ANK2: variants seen among roughly 807,000 people sequenced by gnomAD.
ANK2 encodes ankyrin-2.
ANK2 carries 83 observed loss-of-function variants against 360.5 expected under a neutral mutation model. That is an observed-to-expected ratio of 0.23 (90% confidence interval 0.19 to 0.28). The LOEUF is 0.28. ANK2 is among the 10% of genes least tolerant of loss of function. The pLI, the probability that ANK2 is intolerant of heterozygous loss-of-function variation, is 1.00. For synonymous variants in ANK2, 1,740 were observed against 1,759.5 expected (o/e 0.99, Z 0.28); for missense variants, 4,201 against 4,795.7 (o/e 0.88, Z 3.66).
upstream of ANK2, among the ~76,000 whole-genome samples, chr4:112,813,968 C>A (rs2055471805): frequency 6.6e-6 from 1 of 152,184 alleles, no homozygotes; most frequent in Admixed American, 6.5e-5. Flanking sequence ...TTTGCTCTGC[C>A]ATTCCCCGTT....
intron 4 of ANK2, among the ~76,000 whole-genome samples, chr4:113,199,823 A>G (rs2098804290): frequency 6.6e-6 from 1 of 152,176 alleles, no homozygotes; most frequent in South Asian, 2.1e-4. Flanking sequence ...AACACAGACT[A>G]TATCATGGAG....
chr4:112,853,347 G>A (rs1243996032), intron 1 of ANK2, among the ~76,000 whole-genome samples: 4 of 152,092 alleles, frequency 2.6e-5, no homozygotes, highest in Middle Eastern at 3.4e-3. Context: ...GATTGCAGGC[G>A]TGAGCCACCA....
intron 2 of ANK2, among the ~76,000 whole-genome samples, chr4:113,184,854 C>T (rs1284351972): frequency 6.6e-6 from 1 of 152,032 alleles, no homozygotes; most frequent in Non-Finnish European, 1.5e-5. Flanking sequence ...GCTGTCCCTC[C>T]CCTAGCCTCC....
intron 14 of ANK2, among the ~76,000 whole-genome samples, chr4:113,270,778 A>G (rs1463157881): frequency 6.6e-6 from 1 of 152,202 alleles, no homozygotes; most frequent in African/African-American, 2.4e-5. Context: ...ACAAACTCTC[A>G]GGTGATGTCA....
intron 34 of ANK2, among the ~76,000 whole-genome samples, chr4:113,343,366 A>G (rs941142580): frequency 6.6e-6 from 1 of 152,212 alleles, no homozygotes; most frequent in African/African-American, 2.4e-5. Flanking sequence ...AACAGGACAA[A>G]TAATAGCCAA....
At chr4:112,721,133 C>T in the ANK2 span, among the ~76,000 whole-genome samples, 3 of 152,074 alleles carry the variant, frequency 2.0e-5, no homozygotes, top group African/African-American at 7.2e-5. Context: ...AGGAAGGATG[C>T]TGAAGAAGGG....
At chr4:113,125,218 CAA>C (rs35108052) in intron 1 of ANK2, among the ~76,000 whole-genome samples, 22,769 of 151,770 alleles carry the variant, frequency 0.15, 2,639 homozygotes, top group East Asian at 0.5. Context: ...ATGGTTTTTC[CAA>C]AAGTCTATTT....
chr4:113,158,910 C>CT (rs1328352665), intron 1 of ANK2, among the ~76,000 whole-genome samples: 1 of 152,070 alleles, frequency 6.6e-6, no homozygotes, highest in Non-Finnish European at 1.5e-5. Flanking sequence ...TCTAACTCTT[C>CT]TTTAAGTGAT....
chr4:113,305,552 T>C lies in ANK2; in HGVS notation c.2548+2713T>C, dbSNP rs115230574. 5.3e-3 allele frequency among the ~76,000 whole-genome samples: 813 copies of C among 152,304 alleles called. 5 individuals carry two copies. The highest frequency in any genetic ancestry group is 9.6e-3 in the Non-Finnish European group (650 of 68,036). ...TTTAGAAATAGCCAAAACTTAATGA[T>C]ATTTCTTTCCCCGAGGAAAATTCAA... is the stretch of plus-strand genomic sequence containing the variant. On this transcript the variant is annotated intron_variant, in intron 23 of 45. Coordinates refer to ENST00000357077, the MANE Select transcript of ANK2 (RefSeq NM_001148.6).
chr4:112,791,416 A>G, the ANK2 span, among the ~76,000 whole-genome samples: 1 of 151,916 alleles, frequency 6.6e-6, no homozygotes, highest in Non-Finnish European at 1.5e-5. Flanking sequence ...TTAGGAACCA[A>G]GATCACAAAT....
At chr4:113,347,492 G>T (rs2094997061) in intron 35 of ANK2, among the ~76,000 whole-genome samples, 5 of 152,148 alleles carry the variant, frequency 3.3e-5, no homozygotes, top group Admixed American at 3.3e-4. Flanking sequence ...AGCTTTGGCT[G>T]ATTTCAGTGA....
At chr4:112,737,258 T>C in the ANK2 span, among the ~76,000 whole-genome samples, 1 of 152,222 alleles carries the variant, frequency 6.6e-6, no homozygotes, top group East Asian at 1.9e-4. Context: ...ATGCTAACAC[T>C]CTATAATGCT....
chr4:113,370,657 G>A (rs1172419031), intron 43 of ANK2, among the ~76,000 whole-genome samples: 1 of 152,170 alleles, frequency 6.6e-6, no homozygotes, highest in African/African-American at 2.4e-5. Context: ...CTACTCCGGA[G>A]GCTGAGGCAG....
chr4:113,141,620 T>A (rs2096640234), intron 1 of ANK2, among the ~76,000 whole-genome samples: 1 of 152,072 alleles, frequency 6.6e-6, no homozygotes, highest in African/African-American at 2.4e-5. Context: ...AACTAAGAGG[T>A]CTTCTCAAAA....
intron 16 of ANK2, 40 bp downstream of exon 16, chr4:113,277,975 G>A (rs2153699087): frequency 6.5e-7 from 1 of 1,550,066 alleles, no homozygotes; most frequent in Non-Finnish European, 8.9e-7. Flanking sequence ...TAACAGTGAA[G>A]GTGATAGATT....
chr4:112,832,342 A>C (rs1228810643), intron 1 of ANK2, among the ~76,000 whole-genome samples: 1 of 152,210 alleles, frequency 6.6e-6, no homozygotes, highest in Non-Finnish European at 1.5e-5. Flanking sequence ...CATGAGCCAC[A>C]GTACCGGGCC....
At chr4:113,147,890 T>A (rs1375556617) in intron 1 of ANK2, among the ~76,000 whole-genome samples, 5 of 152,260 alleles carry the variant, frequency 3.3e-5, no homozygotes, top group East Asian at 1.9e-4. Context: ...CAGCTGTTTT[T>A]AAATTTTTAT....
At chr4:113,089,794 A>C (rs916726258) in intron 1 of ANK2, among the ~76,000 whole-genome samples, 1 of 152,198 alleles carries the variant, frequency 6.6e-6, no homozygotes, top group African/African-American at 2.4e-5. Context: ...ACTGCACTCC[A>C]GCCTAGGTAA....
At chr4:113,224,876 G>GTTTTT (rs11325379) in intron 4 of ANK2, among the ~76,000 whole-genome samples, 1 of 133,242 alleles carries the variant, frequency 7.5e-6, no homozygotes. Flanking sequence ...GATCTTTGAA[G>GTTTTT]TTTTTTTTTT....
Sources: gnomAD v4.1 joint callset for allele counts (sites outside exome capture counted in the v4.1 genomes callset) on GRCh38, gnomAD v4.1.1 for gene constraint, MANE v1.5 for transcripts, NCBI Gene and HGNC (gene_info 2026-07-23, HGNC 2026-07-21) for gene names.